ARNT2: variants seen among roughly 807,000 people sequenced by gnomAD.
ARNT2 encodes ARNT protein 2.
ARNT2 carries 36 observed loss-of-function variants against 91.7 expected under a neutral mutation model. The ratio of observed to expected loss-of-function variants is 0.39; its 90% CI spans 0.30 to 0.52. The LOEUF (loss-of-function observed/expected upper bound fraction) is 0.52, where lower values mean the gene tolerates loss of function less well. Among genes scored for constraint, ARNT2 ranks in the 20% least tolerant of loss-of-function variants. The pLI is 0.72. For synonymous variants in ARNT2, 365 were observed against 347.1 expected (o/e 1.05, Z -0.57); for missense variants, 775 against 939.3 (o/e 0.83, Z 2.29).
At chr15:80,520,647 T>C (rs1020854305) in intron 8 of ARNT2, among the ~76,000 whole-genome samples, 2 of 151,964 alleles carry the variant, frequency 1.3e-5, no homozygotes, top group Admixed American at 1.3e-4. Flanking sequence ...ACTACCTTGA[T>C]TGTGGAGATG....
intron 4 of ARNT2, among the ~76,000 whole-genome samples, chr15:80,472,117 TG>T (rs33946013): frequency 1 from 151,550 of 151,558 alleles, 75,771 homozygotes; most frequent in Middle Eastern, 1. Context: ...GGGGGGGCAT[TG>T]GGGTGGGGAG....
At chr15:80,481,242 G>A (rs1172906042) in intron 5 of ARNT2, among the ~76,000 whole-genome samples, 2 of 152,206 alleles carry the variant, frequency 1.3e-5, no homozygotes, top group Non-Finnish European at 2.9e-5. Context: ...AGCAGCTCAC[G>A]AGAACAGCTC....
intron 18 of ARNT2, 88 bp from the exon 19 acceptor site, chr15:80,593,512 G>A (rs1596029826): frequency 1.9e-6 from 2 of 1,065,570 alleles, no homozygotes; most frequent in Non-Finnish European, 1.4e-6. Context: ...GGCCATGAGG[G>A]TGAGTGCAGA....
chr15:80,426,967 A>T (rs1444057245), intron 1 of ARNT2, among the ~76,000 whole-genome samples: 2 of 152,088 alleles, frequency 1.3e-5, no homozygotes, highest in African/African-American at 4.8e-5. Context: ...TCATCCTATC[A>T]TGGAAGCTCC....
At chr15:80,452,430 C>A (rs1316460170) in intron 2 of ARNT2, among the ~76,000 whole-genome samples, 3 of 152,216 alleles carry the variant, frequency 2.0e-5, no homozygotes, top group Non-Finnish European at 2.9e-5. Context: ...ACCGCTGGGG[C>A]TTCCTGCAAA....
chr15:80,478,212 C>G (rs1896834875), intron 5 of ARNT2, among the ~76,000 whole-genome samples: 1 of 152,182 alleles, frequency 6.6e-6, no homozygotes, highest in Non-Finnish European at 1.5e-5. Flanking sequence ...GCTGTCTTTC[C>G]CAGACTTCTA....
chr15:80,591,243 G>T lies in ARNT2; in HGVS notation c.1919-325G>T, dbSNP rs575377581. 1.3e-5 allele frequency among the ~76,000 whole-genome samples: 2 copies of T among 152,238 alleles called. No homozygotes were observed. The highest frequency in any genetic ancestry group is 2.4e-5 in the African/African-American group (1 of 41,522). On this transcript the variant is annotated intron_variant, in intron 17 of 18. Coordinates refer to ENST00000303329, the MANE Select transcript of ARNT2 (RefSeq NM_014862.4). The surrounding 1 kb of genome is among the most constrained non-coding windows in gnomAD (Gnocchi z 5.1). ...TATGCCCCTTGCCCCCCAGATGCCC[G>T]CAGGAGGCCTTTGTGCACAGTCACC...
chr15:80,452,311 C>T (rs3848174), intron 2 of ARNT2, among the ~76,000 whole-genome samples: 48,667 of 152,048 alleles, frequency 0.32, 9,187 homozygotes, highest in East Asian at 0.56. Context: ...CCACTTCTCT[C>T]TCTGCAGCTG....
chr15:80,535,409 G>T (rs1171910708), intron 8 of ARNT2, among the ~76,000 whole-genome samples: 1 of 152,208 alleles, frequency 6.6e-6, no homozygotes, highest in Non-Finnish European at 1.5e-5. Context: ...ACTAACTCTA[G>T]ATGTTTTTAT....
intron 8 of ARNT2, among the ~76,000 whole-genome samples, chr15:80,541,279 A>G (rs1268387080): frequency 1.3e-5 from 2 of 152,260 alleles, no homozygotes; most frequent in Middle Eastern, 3.4e-3. Flanking sequence ...GGCTACTTGT[A>G]TGTCTTCTTT....
At chr15:80,551,769 C>G (rs1293605157) in intron 9 of ARNT2, among the ~76,000 whole-genome samples, 1 of 152,070 alleles carries the variant, frequency 6.6e-6, no homozygotes, top group Non-Finnish European at 1.5e-5. Flanking sequence ...GTTCCTTATC[C>G]TCCTTATCTG....
chr15:80,541,008 G>C (rs909382244), intron 8 of ARNT2, among the ~76,000 whole-genome samples: 16 of 152,198 alleles, frequency 1.1e-4, no homozygotes, highest in African/African-American at 3.4e-4. Flanking sequence ...TATATACCCA[G>C]TAATGGGATT....
At chr15:80,411,013 G>A (rs950338591) in intron 1 of ARNT2, among the ~76,000 whole-genome samples, 2 of 152,046 alleles carry the variant, frequency 1.3e-5, no homozygotes. Flanking sequence ...CCTCTTCTTG[G>A]AATGATTAAT....
In ARNT2 at chr15:80,591,817, C is replaced by G; in HGVS notation, c.2055+113C>G. On this transcript the variant is annotated intron_variant, in intron 18 of 18. Transcript: ENST00000303329. This position sits in a 1 kb window ranked among gnomAD's most constrained non-coding sequence, Gnocchi z 5.1. ...GCCCGATAGCCGTCGTGAGTTCTGG[C>G]CCAGCCTGGGCTCGAGGGAGTCCAG... The G allele has an allele frequency of 1.3e-6, 2 of 1,518,550 alleles. No homozygotes were observed. The highest frequency in any genetic ancestry group is 1.8e-6 in the Non-Finnish European group (2 of 1,126,020). 94.1% of individuals were successfully genotyped at this position (1,518,550 alleles called of 1,614,324 possible).
chr15:80,489,167 T>C (rs1050558056), intron 5 of ARNT2, among the ~76,000 whole-genome samples: 1 of 152,190 alleles, frequency 6.6e-6, no homozygotes, highest in South Asian at 2.1e-4. Context: ...AAAACTCCAG[T>C]GTGATAAAGA....
chr15:80,532,846 G>A (rs1897760016), intron 8 of ARNT2, among the ~76,000 whole-genome samples: 3 of 152,210 alleles, frequency 2.0e-5, no homozygotes, highest in African/African-American at 7.2e-5. Flanking sequence ...ACCAGTGGGA[G>A]ACCTTTGAGG....
At chr15:80,463,065 G>A (rs1166437072) in intron 3 of ARNT2, among the ~76,000 whole-genome samples, 10 of 152,152 alleles carry the variant, frequency 6.6e-5, no homozygotes, top group African/African-American at 9.7e-5. Context: ...GGTCTTTCCC[G>A]GCAGAAAGAA....
Position 80,461,008 on chromosome 15 carries a change from C to T in ARNT2, c.194+3032C>T, listed in dbSNP as rs1340557864. ...TGCATCAGAAGTGGAGGGATTAATT[C>T]TCGTGGCTTCCATTGTCTTGATTAG... On this transcript the variant is annotated intron_variant, in intron 3 of 18. Transcript: ENST00000303329. Among the ~76,000 whole-genome samples the T allele has an allele frequency of 2.0e-5, 3 of 152,134 alleles. No individual in the cohort carries two copies. The East Asian group carries it at 5.8e-4, about 29-fold the overall frequency.
At chr15:80,429,055 G>T (rs574317334) in intron 1 of ARNT2, among the ~76,000 whole-genome samples, 1 of 152,292 alleles carries the variant, frequency 6.6e-6, no homozygotes, top group African/African-American at 2.4e-5. Flanking sequence ...CAAAGGAATG[G>T]TATGGCCTAA....
Sources: gnomAD v4.1 joint callset for allele counts (sites outside exome capture counted in the v4.1 genomes callset) on GRCh38, gnomAD v4.1.1 for gene constraint, Gnocchi (gnomAD v3.1) non-coding constraint, MANE v1.5 for transcripts, NCBI Gene and HGNC (gene_info 2026-07-23, HGNC 2026-07-21) for gene names.